CELF4: variants seen among roughly 807,000 people sequenced by gnomAD.
The protein encoded by CELF4 is CUGBP Elav-like family member 4, also known as CUG-BP- and ETR-3-like factor 4.
Under a neutral mutation model 59.9 loss-of-function variants are expected in CELF4, and 18 were observed. The observed-to-expected ratio is 0.30, with a 90% CI of 0.21 to 0.45. CELF4 has a LOEUF of 0.45. Among genes scored for constraint, CELF4 ranks in the 20% least tolerant of loss-of-function variants. The pLI is 1.00. For missense variants in CELF4, 456 were observed against 689.0 expected, an observed-to-expected ratio of 0.66 and a Z score of 3.79; for synonymous variants, 261 against 267.1, an observed-to-expected ratio of 0.98 and a Z score of 0.22.
intron 1 of CELF4, among the ~76,000 whole-genome samples, chr18:37,505,983 A>T (rs1356862793): frequency 1.6e-4 from 5 of 31,886 alleles, no homozygotes; most frequent in Non-Finnish European, 6.7e-4. Flanking sequence ...ATCTGCGGGC[A>T]AGTTGCCCCT....
intron 1 of CELF4, among the ~76,000 whole-genome samples, chr18:37,553,277 T>C (rs1298449471): frequency 2.0e-5 from 3 of 152,176 alleles, no homozygotes; most frequent in African/African-American, 7.2e-5. Context: ...AAACTGGGCT[T>C]AAGTTGCTCT....
At chr18:37,517,582 C>A (rs2099952182) in intron 1 of CELF4, among the ~76,000 whole-genome samples, 1 of 152,162 alleles carries the variant, frequency 6.6e-6, no homozygotes, top group African/African-American at 2.4e-5. Context: ...CCAACCAGAA[C>A]AGTTGGTCGC....
rs1035195000 is a variant in CELF4 at position 37,274,976 on chromosome 18, G to T, written c.578-92C>A. The T allele has an allele frequency of 1.8e-4, 282 of 1,543,068 alleles. 2 individuals are homozygous for T. Among genetic ancestry groups the T allele is most frequent in the Non-Finnish European group, 2.3e-4 (255 of 1,132,982 alleles). ...GCGCATCCCAGGTGAACGCAGACGGGTGAGGCAGAGATTGAGAAAGAGACA... is the reference window on the plus strand; with the variant it reads ...GCGCATCCCAGGTGAACGCAGACGGTTGAGGCAGAGATTGAGAAAGAGACA... On this transcript the variant is annotated intron_variant, in intron 4 of 12. Transcript: ENST00000420428.
At chr18:37,424,842 G>A (rs16968931) in intron 2 of CELF4, among the ~76,000 whole-genome samples, 45,483 of 151,860 alleles carry the variant, frequency 0.3, 6,981 homozygotes, top group Non-Finnish European at 0.31. Flanking sequence ...AGGGGATTGG[G>A]CTCCACACAC....
At chr18:37,371,749 C>T (rs1198556326) in intron 2 of CELF4, among the ~76,000 whole-genome samples, 3 of 152,152 alleles carry the variant, frequency 2.0e-5, no homozygotes, top group Non-Finnish European at 4.4e-5. Context: ...TAAAAACAGC[C>T]AGAGAGGGCT....
chr18:37,501,840 T>C (rs898042186), intron 1 of CELF4, among the ~76,000 whole-genome samples: 1 of 152,224 alleles, frequency 6.6e-6, no homozygotes, highest in Non-Finnish European at 1.5e-5. Flanking sequence ...CACTCCAACG[T>C]TGACCAGCAC....
At chr18:37,378,169 C>G (rs2098993506) in intron 2 of CELF4, among the ~76,000 whole-genome samples, 1 of 152,198 alleles carries the variant, frequency 6.6e-6, no homozygotes, top group African/African-American at 2.4e-5. Flanking sequence ...TGGTGGACCC[C>G]TCCTCTGGAG....
At chr18:37,429,848 C>T (rs2099637162) in intron 2 of CELF4, among the ~76,000 whole-genome samples, 1 of 152,172 alleles carries the variant, frequency 6.6e-6, no homozygotes, top group African/African-American at 2.4e-5. Context: ...CTACGGAAGA[C>T]CCCACACTTG....
At chr18:37,273,336 A>G in intron 6 of CELF4, 173 bp from the exon 7 acceptor site, 2 of 1,408,972 alleles carry the variant, frequency 1.4e-6, no homozygotes, top group Non-Finnish European at 1.9e-6. Context: ...CTCAACAGCT[A>G]TTAGAGTCCA....
At chr18:37,261,175 C>T (rs1028628542) in intron 10 of CELF4, among the ~76,000 whole-genome samples, 8 of 152,156 alleles carry the variant, frequency 5.3e-5, no homozygotes, top group African/African-American at 1.9e-4. Context: ...TTTTTCTCTC[C>T]AACCAGACTG....
intron 2 of CELF4, among the ~76,000 whole-genome samples, chr18:37,345,109 G>C (rs540208788): frequency 6.6e-6 from 1 of 152,292 alleles, no homozygotes; most frequent in Non-Finnish European, 1.5e-5. Context: ...GGGAGGCTCT[G>C]TCTCTGGAGG....
At chr18:37,475,213 C>T (rs2099845395) in intron 2 of CELF4, among the ~76,000 whole-genome samples, 1 of 152,252 alleles carries the variant, frequency 6.6e-6, no homozygotes, top group East Asian at 1.9e-4. Context: ...CACTCAAATG[C>T]TTGTCTACAG....
At chr18:37,478,522 C>T (rs1398052391) in intron 2 of CELF4, among the ~76,000 whole-genome samples, 1 of 152,068 alleles carries the variant, frequency 6.6e-6, no homozygotes, top group Non-Finnish European at 1.5e-5. Flanking sequence ...GAGTCACTTG[C>T]TTGAAAAATG....
rs1251451456 is a variant in CELF4, at chr18:37,244,245, A to G, written c.*997T>C. On this transcript the variant is annotated 3_prime_UTR_variant, in exon 13 of 13. Coordinates refer to ENST00000420428, the MANE Select transcript of CELF4 (RefSeq NM_020180.4). ...AAACTTTTCCTTTTTAAAATTCTGTACAACTATTATGATTTTAAGAGGGGG... is the reference window on the plus strand; with the variant it reads ...AAACTTTTCCTTTTTAAAATTCTGTGCAACTATTATGATTTTAAGAGGGGG... The G allele has an allele frequency of 6.8e-6, 1 of 147,518 alleles. No homozygotes were observed. The highest frequency in any genetic ancestry group is 1.5e-5 in the Non-Finnish European group (1 of 67,138). The allele number at this position is 147,518 out of a possible 1,614,324, so 9.1% of individuals were successfully genotyped here. A position where few individuals can be genotyped will look rare whatever the true frequency, so the allele number is the denominator to read the frequency against.
chr18:37,301,476 G>T (rs1304142252), intron 3 of CELF4, among the ~76,000 whole-genome samples: 1 of 152,230 alleles, frequency 6.6e-6, no homozygotes, highest in Non-Finnish European at 1.5e-5. Flanking sequence ...CAGCAGGACA[G>T]CTACCACAAA....
At chr18:37,534,797 T>C (rs1297505959) in intron 1 of CELF4, among the ~76,000 whole-genome samples, 3 of 152,172 alleles carry the variant, frequency 2.0e-5, no homozygotes, top group Non-Finnish European at 4.4e-5. Context: ...ATGCAGACAC[T>C]TCCTGCTCTG....
chr18:37,491,453 G>A (rs200897016), intron 1 of CELF4, among the ~76,000 whole-genome samples: 8 of 152,176 alleles, frequency 5.3e-5, no homozygotes, highest in Admixed American at 2.6e-4. Context: ...TTGATGCCTC[G>A]TCTCTGAATA....
At chr18:37,353,674 G>A (rs937562755) in intron 2 of CELF4, among the ~76,000 whole-genome samples, 1 of 144,036 alleles carries the variant, frequency 6.9e-6, no homozygotes, top group African/African-American at 2.6e-5. Context: ...GGGATGAGGG[G>A]GAATGATGAG....
intron 2 of CELF4, among the ~76,000 whole-genome samples, chr18:37,349,519 T>C (rs1193972388): frequency 2.0e-5 from 3 of 152,212 alleles, no homozygotes; most frequent in Non-Finnish European, 4.4e-5. Context: ...ATCATTTCTT[T>C]TTTTATTCAG....
Sources: allele counts gnomAD v4.1 joint callset (sites outside exome capture counted in the v4.1 genomes callset), GRCh38; gene constraint gnomAD v4.1.1; transcripts MANE v1.5; gene names NCBI Gene and HGNC (gene_info 2026-07-23, HGNC 2026-07-21).